The following GDI2 variants were observed in gnomAD, a reference collection of about 807,000 sequenced individuals.
GDI2 encodes GDP dissociation inhibitor 2, also known as rab GDP dissociation inhibitor beta.
Under a neutral mutation model 54.2 loss-of-function variants are expected in GDI2, and 22 were observed. The ratio of observed to expected loss-of-function variants is 0.41; its 90% CI spans 0.29 to 0.58. The LOEUF (loss-of-function observed/expected upper bound fraction) is 0.58, where lower values mean the gene tolerates loss of function less well. GDI2 is among the 20% of genes least tolerant of loss of function. The pLI is 0.35. For synonymous variants in GDI2, 177 were observed against 182.1 expected, an observed-to-expected ratio of 0.97 and a Z score of 0.23; for missense variants, 422 against 546.0, an observed-to-expected ratio of 0.77 and a Z score of 2.26.
intron 6 of GDI2, among the ~76,000 whole-genome samples, chr10:5,777,907 G>A (rs994238957): frequency 2.0e-5 from 3 of 152,152 alleles, no homozygotes; most frequent in Admixed American, 1.3e-4. Context: ...AATGGTAGAC[G>A]GGATAAAGAA....
At chr10:5,810,289 T>A (rs376466238) in intron 1 of GDI2, among the ~76,000 whole-genome samples, 1 of 152,140 alleles carries the variant, frequency 6.6e-6, no homozygotes, top group African/African-American at 2.4e-5. Flanking sequence ...GAACAAAAAA[T>A]GGGAAGAAAA....
chr10:5,808,139 C>T (rs981472791), intron 1 of GDI2, among the ~76,000 whole-genome samples: 1 of 151,968 alleles, frequency 6.6e-6, no homozygotes, highest in Admixed American at 6.6e-5. Flanking sequence ...GAGTTTGAGA[C>T]CAGCCTGGAC....
intron 2 of GDI2, among the ~76,000 whole-genome samples, 182 bp from the exon 3 acceptor site, chr10:5,797,044 A>C (rs528472104): frequency 3.3e-5 from 5 of 152,206 alleles, no homozygotes; most frequent in Non-Finnish European, 5.9e-5. Context: ...ATGTAAATTA[A>C]TTACTAAACT....
Position 5,795,895 on chromosome 10 carries a change from T to C in GDI2, c.253+868A>G, listed in dbSNP as rs1009984462. Among the ~76,000 whole-genome samples, 42 of 152,086 alleles carry C rather than the reference T, an allele frequency of 2.8e-4. 1 individual carries two copies. Among genetic ancestry groups the C allele is most frequent in the Non-Finnish European group, 7.4e-5 (5 of 68,026 alleles). On this transcript the variant is annotated intron_variant, in intron 3 of 10. Coordinates refer to ENST00000380191, the MANE Select transcript of GDI2 (RefSeq NM_001494.4). ...ATGATTGCATTACTACACTCCAGCC[T>C]GGGTGACAGAGTGAAACCCCTGTCT...
At position 5,769,834 on chromosome 10, in the gene GDI2, C is replaced by A. The variant is rs571661771; in HGVS notation, c.820-1450G>T. Among the ~76,000 whole-genome samples, 32 of 152,312 alleles carry A rather than the reference C, an allele frequency of 2.1e-4. No individual in the cohort carries two copies. The South Asian group carries it at 6.6e-3, about 32-fold the overall frequency. On this transcript the variant is annotated intron_variant, in intron 7 of 10. Transcript: ENST00000380191. ...GAAAATGGTATGGCAGTTTCTCAAA[C>A]ATTAAAAACAGAATTACCATATGAT...
intron 7 of GDI2, among the ~76,000 whole-genome samples, chr10:5,770,963 C>CAAAAAAAA (rs59686031): frequency 4.3e-5 from 2 of 46,394 alleles, no homozygotes; most frequent in Non-Finnish European, 7.6e-5. Context: ...GAGACTGTCT[C>CAAAAAAAA]AAAAAAAAAA....
intron 7 of GDI2, among the ~76,000 whole-genome samples, chr10:5,772,693 G>A (rs1266175078): frequency 6.6e-6 from 1 of 152,034 alleles, no homozygotes; most frequent in Non-Finnish European, 1.5e-5. Flanking sequence ...GAAGGTGGAG[G>A]GTGAAGTGAG....
intron 6 of GDI2, among the ~76,000 whole-genome samples, chr10:5,781,227 C>T (rs931094747): frequency 6.8e-6 from 1 of 146,614 alleles, no homozygotes; most frequent in African/African-American, 2.5e-5. Flanking sequence ...AACACTGTCT[C>T]AAGATGAATC....
chr10:5,805,363 TAAAAAAAAAAA>T (rs33941987), intron 1 of GDI2, among the ~76,000 whole-genome samples: 2 of 105,922 alleles, frequency 1.9e-5, no homozygotes, highest in African/African-American at 7.1e-5. Context: ...ATTTGCTCTT[TAAAAAAAAAAA>T]AAAAAAAAAA....
chr10:5,799,951 T>G (rs1841231125), intron 2 of GDI2, among the ~76,000 whole-genome samples: 1 of 152,346 alleles, frequency 6.6e-6, no homozygotes, highest in Middle Eastern at 3.4e-3. Flanking sequence ...CGTATTATTC[T>G]TTAAACTTTT....
In GDI2 at chr10:5,797,565, A is replaced by T. The variant is rs1020319013; in HGVS notation, c.154-703T>A. On this transcript the variant is annotated intron_variant, in intron 2 of 10. Transcript: ENST00000380191. ...TCTCAAAAAAAAAAAAAAAAAAAAAAAAATTAGCGGGGTGTGGTGTGTGCC... is the reference window on the plus strand; with the variant it reads ...TCTCAAAAAAAAAAAAAAAAAAAAATAAATTAGCGGGGTGTGGTGTGTGCC... 4.0e-5 allele frequency among the ~76,000 whole-genome samples: 6 copies of T among 150,210 alleles called. No homozygotes were observed. The East Asian group carries it at 1.2e-3, about 29-fold the overall frequency.
chr10:5,797,095 T>G (rs1482818175), intron 2 of GDI2, among the ~76,000 whole-genome samples: 1 of 152,176 alleles, frequency 6.6e-6, no homozygotes, highest in Non-Finnish European at 1.5e-5. Context: ...AAGTAAGGTT[T>G]TTCACTAGCA....
At chr10:5,781,230 G>A (rs1840746699) in intron 6 of GDI2, among the ~76,000 whole-genome samples, 1 of 142,676 alleles carries the variant, frequency 7.0e-6, no homozygotes. Flanking sequence ...ACTGTCTCAA[G>A]ATGAATCAGA....
chr10:5,811,797 T>C (rs553586695), intron 1 of GDI2: 1 of 394,922 alleles, frequency 2.5e-6, no homozygotes, highest in Non-Finnish European at 4.9e-6. Flanking sequence ...TCAGAATGAA[T>C]ATTCTCTAAT....
At chr10:5,790,372 G>A (rs1840985097) in intron 4 of GDI2, among the ~76,000 whole-genome samples, 1 of 152,092 alleles carries the variant, frequency 6.6e-6, no homozygotes, top group African/African-American at 2.4e-5. Flanking sequence ...GGCCAGGTGC[G>A]GTGGCTCACA....
intron 1 of GDI2, among the ~76,000 whole-genome samples, chr10:5,808,970 C>A (rs1432745353): frequency 6.6e-6 from 1 of 151,704 alleles, no homozygotes; most frequent in Non-Finnish European, 1.5e-5. Context: ...GTCAGCCAGG[C>A]GCGGTGGCTC....
Position 5,813,205 on chromosome 10 carries a change from G to A in GDI2, c.45+9C>T, listed in dbSNP as rs118084745. 0.014 allele frequency: 22,543 copies of A among 1,565,882 alleles called. 221 individuals carry two copies. Among genetic ancestry groups the A allele is most frequent in the African/African-American group, 0.027 (1,975 of 72,844 alleles). On this transcript the variant is annotated intron_variant, in intron 1 of 10. Coordinates refer to ENST00000380191, the MANE Select transcript of GDI2 (RefSeq NM_001494.4). ...TGCTCAGCCCCGGCCCCTCAGCCCT[G>A]GCGCCCACCGTCAGGCCGGTGCCCA... is the stretch of plus-strand genomic sequence containing the variant.
chr10:5,767,876 T>C (rs1840394123), intron 8 of GDI2, among the ~76,000 whole-genome samples: 1 of 152,214 alleles, frequency 6.6e-6, no homozygotes, highest in Admixed American at 6.5e-5. Context: ...AGCAGCTATG[T>C]CATTAGCTCA....
intron 7 of GDI2, among the ~76,000 whole-genome samples, chr10:5,771,751 CAAAAG>C (rs566265290): frequency 6.6e-6 from 1 of 152,058 alleles, no homozygotes; most frequent in Non-Finnish European, 1.5e-5. Flanking sequence ...AAGAATGAAA[CAAAAG>C]AAAAATACAG....
Sources: allele counts gnomAD v4.1 joint callset (sites outside exome capture counted in the v4.1 genomes callset), GRCh38; gene constraint gnomAD v4.1.1; transcripts MANE v1.5; gene names NCBI Gene and HGNC (gene_info 2026-07-23, HGNC 2026-07-21).